CEP128: variants seen among roughly 807,000 people sequenced by gnomAD.
CEP128 encodes centrosomal protein 128.
A neutral mutation model predicts 156.7 loss-of-function variants in CEP128; 132 were observed. The observed-to-expected ratio is 0.84, with a 90% confidence interval of 0.73 to 0.97. The LOEUF is 0.97. CEP128 is among the 50% of genes least tolerant of loss of function. The pLI, the probability that CEP128 is intolerant of heterozygous loss-of-function variation, is 0.00. For missense variants in CEP128, 1,252 were observed against 1,281.9 expected (o/e 0.98, Z 0.36); for synonymous variants, 469 against 448.9 (o/e 1.04, Z -0.57).
intron 7 of CEP128, 96 bp from the exon 8 acceptor site, chr14:80,895,886 A>G: frequency 1.1e-6 from 1 of 884,344 alleles, no homozygotes; most frequent in South Asian, 2.2e-5. Flanking sequence ...TTATTACAAA[A>G]TATTCTACTT....
chr14:80,571,593 T>C (rs926375325), intron 20 of CEP128, among the ~76,000 whole-genome samples: 3 of 152,178 alleles, frequency 2.0e-5, no homozygotes, highest in South Asian at 2.1e-4. Flanking sequence ...GTAAAAAGTA[T>C]AAGAGGAGAT....
At chr14:80,545,662 C>T (rs1027340249) in intron 21 of CEP128, among the ~76,000 whole-genome samples, 1 of 152,110 alleles carries the variant, frequency 6.6e-6, no homozygotes, top group African/African-American at 2.4e-5. Context: ...AATCTTACAA[C>T]TGTTGTTTCA....
chr14:80,528,523 G>C (rs1406957949), intron 22 of CEP128, among the ~76,000 whole-genome samples: 1 of 152,218 alleles, frequency 6.6e-6, no homozygotes, highest in African/African-American at 2.4e-5. Flanking sequence ...CCTGACCTCA[G>C]GTTGTCAGCC....
chr14:80,531,486 A>G (rs1464500501), intron 21 of CEP128, among the ~76,000 whole-genome samples: 1 of 152,202 alleles, frequency 6.6e-6, no homozygotes, highest in African/African-American at 2.4e-5. Flanking sequence ...TCACTGTTAC[A>G]CCCACCTGTG....
intron 19 of CEP128, among the ~76,000 whole-genome samples, chr14:80,633,676 G>A (rs1158875162): frequency 6.6e-6 from 1 of 152,088 alleles, no homozygotes; most frequent in African/African-American, 2.4e-5. Context: ...CCACAGTTTG[G>A]ACTATGGATT....
intron 18 of CEP128, among the ~76,000 whole-genome samples, chr14:80,754,381 T>C (rs1899535809): frequency 2.6e-5 from 4 of 152,064 alleles, no homozygotes; most frequent in African/African-American, 4.8e-5. Context: ...TGCATACTTC[T>C]ATTACAGCTC....
chr14:80,735,655 A>G (rs986402497), intron 19 of CEP128, among the ~76,000 whole-genome samples: 1 of 152,202 alleles, frequency 6.6e-6, no homozygotes, highest in Non-Finnish European at 1.5e-5. Flanking sequence ...GTGCCTTAAA[A>G]TGATGCAAAT....
At chr14:80,822,985 G>A (rs1885272229) in intron 13 of CEP128, among the ~76,000 whole-genome samples, 1 of 152,308 alleles carries the variant, frequency 6.6e-6, no homozygotes, top group Middle Eastern at 3.4e-3. Flanking sequence ...TCCAAAGCTG[G>A]ACTGATGTGG....
At chr14:80,656,861 C>T (rs550667867) in intron 19 of CEP128, among the ~76,000 whole-genome samples, 95 of 152,224 alleles carry the variant, frequency 6.2e-4, no homozygotes, top group African/African-American at 2.2e-3. Flanking sequence ...CCTGGCCTAA[C>T]CCTAATATGA....
intron 19 of CEP128, among the ~76,000 whole-genome samples, chr14:80,670,695 G>A (rs1235946378): frequency 6.6e-6 from 1 of 151,864 alleles, no homozygotes; most frequent in Admixed American, 6.6e-5. Flanking sequence ...TTTGGGTGAT[G>A]GTAACACTAA....
chr14:80,841,133 A>G (rs556919811), intron 9 of CEP128, among the ~76,000 whole-genome samples: 18 of 152,298 alleles, frequency 1.2e-4, no homozygotes, highest in Non-Finnish European at 2.6e-4. Context: ...AGTTAACTAT[A>G]AAAGTGTTTG....
At chr14:80,826,680 A>C (rs1050279508) in intron 13 of CEP128, among the ~76,000 whole-genome samples, 1 of 152,178 alleles carries the variant, frequency 6.6e-6, no homozygotes, top group African/African-American at 2.4e-5. Flanking sequence ...TATAGTCCCA[A>C]GTTTCTGCTA....
At chr14:80,528,984 C>T (rs1889103781) in intron 22 of CEP128, among the ~76,000 whole-genome samples, 1 of 152,178 alleles carries the variant, frequency 6.6e-6, no homozygotes, top group Non-Finnish European at 1.5e-5. Context: ...TTTTTAATCA[C>T]ATAGAGGGCT....
chr14:80,727,206 G>A (rs1475469465), intron 19 of CEP128, among the ~76,000 whole-genome samples: 3 of 152,062 alleles, frequency 2.0e-5, no homozygotes, highest in African/African-American at 7.2e-5. Context: ...CAAAAATAAG[G>A]TAACAATTCT....
chr14:80,838,309 G>A, intron 10 of CEP128, 31 bp from the exon 11 acceptor site: 1 of 1,484,912 alleles, frequency 6.7e-7, no homozygotes, highest in Non-Finnish European at 9.4e-7. Context: ...AAAGAAAAAT[G>A]CCCAATGGAG....
At chr14:80,873,649 T>C (rs1430392864) in intron 8 of CEP128, among the ~76,000 whole-genome samples, 4 of 152,142 alleles carry the variant, frequency 2.6e-5, no homozygotes, top group African/African-American at 9.7e-5. Flanking sequence ...TATCTGAATT[T>C]AGATCAAATC....
At chr14:80,671,031 C>A (rs1895819161) in intron 19 of CEP128, among the ~76,000 whole-genome samples, 1 of 151,996 alleles carries the variant, frequency 6.6e-6, no homozygotes, top group South Asian at 2.1e-4. Context: ...TCTGCTAAAC[C>A]AGAGAATCCT....
intron 14 of CEP128, among the ~76,000 whole-genome samples, chr14:80,786,004 C>A (rs944548041): frequency 2.6e-5 from 4 of 151,990 alleles, no homozygotes; most frequent in African/African-American, 9.7e-5. Context: ...GGGAAGCATG[C>A]AGATACAATA....
rs528031264 is a variant in CEP128 at position 80,719,009 on chromosome 14, T to C, written c.2806+24066A>G. On this transcript the variant is annotated intron_variant, in intron 19 of 24. Coordinates refer to ENST00000555265, the MANE Select transcript of CEP128 (RefSeq NM_152446.5). ...AGGACTTGTTTTCTGGACTTGTTAC[T>C]CTGTCAGGATTTGGTAAAGTGAGGC... is the stretch of plus-strand genomic sequence containing the variant. 9.8e-5 allele frequency among the ~76,000 whole-genome samples: 15 copies of C among 152,310 alleles called. No homozygotes were observed. In the East Asian group the frequency reaches 2.9e-3, roughly 29 times the overall value.
Sources: gnomAD v4.1 joint callset for allele counts (sites outside exome capture counted in the v4.1 genomes callset) on GRCh38, gnomAD v4.1.1 for gene constraint, MANE v1.5 for transcripts, NCBI Gene and HGNC (gene_info 2026-07-23, HGNC 2026-07-21) for gene names.